The following EFCAB5 variants were observed in gnomAD, a reference collection of about 807,000 sequenced individuals.
The protein encoded by EFCAB5 is EF-hand calcium-binding domain-containing protein 5.
EFCAB5 carries 131 observed loss-of-function variants against 167.9 expected under a neutral mutation model. The ratio of observed to expected loss-of-function variants is 0.78; its 90% CI spans 0.68 to 0.90. The LOEUF (loss-of-function observed/expected upper bound fraction) is 0.90. EFCAB5 is among the 40% of genes least tolerant of loss of function. The pLI is 0.00. For synonymous variants in EFCAB5, 574 were observed against 602.8 expected, an observed-to-expected ratio of 0.95 and a Z score of 0.70; for missense variants, 1,663 against 1,745.2, an observed-to-expected ratio of 0.95 and a Z score of 0.84.
chr17:30,107,753 A>G, intron 22 of EFCAB5, 81 bp from the exon 23 acceptor site: 1 of 1,207,658 alleles, frequency 8.3e-7, no homozygotes, highest in Non-Finnish European at 1.1e-6. Context: ...ATGAACTTTA[A>G]TCATAATATT....
At chr17:30,034,841 T>C (rs2069575118) in intron 8 of EFCAB5, among the ~76,000 whole-genome samples, 2 of 152,188 alleles carry the variant, frequency 1.3e-5, no homozygotes, top group African/African-American at 4.8e-5. Flanking sequence ...AACACACTAT[T>C]AACAATGTTT....
intron 22 of EFCAB5, among the ~76,000 whole-genome samples, chr17:30,100,981 C>G (rs141769684): frequency 2.0e-5 from 3 of 152,152 alleles, no homozygotes; most frequent in Non-Finnish European, 4.4e-5. Flanking sequence ...GTGTCAGCAG[C>G]AGGGTCAGAG....
chr17:30,090,608 G>A lies in EFCAB5; in HGVS notation c.3871G>A (p.Val1291Ile), dbSNP rs2071177176. The change falls in exon 20 of 23, where the codon GTC becomes ATC. Residue 1291 changes from valine (V) to isoleucine (I), a missense_variant. Transcript: ENST00000394835. Reference sequence around the variant, plus strand: ...AGATCTACAGAAAATGATGAAAGTGGTCCAAGTGGCCTGCTATGAAATACT... The same window carrying A: ...AGATCTACAGAAAATGATGAAAGTGATCCAAGTGGCCTGCTATGAAATACT... ...YKDLQKMMKVVQVACYEILGE... is the reference protein window; with the variant it reads ...YKDLQKMMKVIQVACYEILGE... 6.2e-7 allele frequency: 1 copy of A among 1,613,900 alleles called. No individual in the cohort carries two copies. The highest frequency in any genetic ancestry group is 1.3e-5 in the African/African-American group (1 of 75,030).
rs2070155895 is a variant in EFCAB5, at chr17:30,053,376, A to C, written c.1422A>C (p.Ala474=). ...VLLEMNTLLS[A]NHASKTQSKL... Reference sequence around the variant, plus strand: ...TGGAGATGAATACATTACTTTCTGCAAATCATGCTAGCAAAACCCAAAGTA... The same window carrying C: ...TGGAGATGAATACATTACTTTCTGCCAATCATGCTAGCAAAACCCAAAGTA... Residue 474 remains alanine, a synonymous_variant, in exon 10 of 23, where the codon GCA becomes GCC. Transcript: ENST00000394835. 1 of 1,613,924 alleles carries C rather than the reference A, an allele frequency of 6.2e-7. No homozygotes were observed. The highest frequency in any genetic ancestry group is 1.3e-5 in the African/African-American group (1 of 74,944).
At chr17:30,068,601 C>G (rs1430839013) in intron 14 of EFCAB5, 2 of 1,375,932 alleles carry the variant, frequency 1.5e-6, no homozygotes, top group Non-Finnish European at 1.9e-6. Context: ...TGGGCAGGTC[C>G]CTTGTGGGGC....
chr17:30,093,055 A>C, intron 22 of EFCAB5, 119 bp downstream of exon 22: 1 of 629,332 alleles, frequency 1.6e-6, no homozygotes, highest in Non-Finnish European at 2.6e-6. Flanking sequence ...AAATAGTTAT[A>C]AGTCTTCTAA....
chr17:30,096,666 TA>T (rs1567776792), intron 22 of EFCAB5, among the ~76,000 whole-genome samples: 64 of 60,800 alleles, frequency 1.1e-3, no homozygotes, highest in African/African-American at 4.9e-3. Context: ...TATATATATA[TA>T]TATATATATA....
At chr17:30,036,581 C>A (rs1336453965) in intron 8 of EFCAB5, among the ~76,000 whole-genome samples, 2 of 151,518 alleles carry the variant, frequency 1.3e-5, no homozygotes, top group Admixed American at 6.6e-5. Flanking sequence ...AGGCATGTAC[C>A]ACCATGCCTG....
intron 7 of EFCAB5, among the ~76,000 whole-genome samples, chr17:30,014,832 C>T (rs1246567020): frequency 6.6e-6 from 1 of 152,116 alleles, no homozygotes; most frequent in Non-Finnish European, 1.5e-5. Flanking sequence ...TGAATTTGAT[C>T]CTGTCATTAT....
rs962355006 is a variant in EFCAB5 at position 29,976,308 on chromosome 17, C to G, written c.767+6941C>G. Among the ~76,000 whole-genome samples the G allele has an allele frequency of 3.9e-5, 6 of 152,062 alleles. No homozygotes were observed. The East Asian group carries it at 1.2e-3, about 29-fold the overall frequency. On this transcript the variant is annotated intron_variant, in intron 4 of 22. Transcript: ENST00000394835. ...ATTTCTTGAACTGGGAGTTTGACTT[C>G]TTAGGGTCATTTGAGGCTTGGTAAA... is the stretch of plus-strand genomic sequence containing the variant.
intron 14 of EFCAB5, chr17:30,069,128 C>G: frequency 6.5e-7 from 1 of 1,534,234 alleles, no homozygotes; most frequent in Non-Finnish European, 9.0e-7. Context: ...AAAAGAATAT[C>G]TAAGCTGGAA....
chr17:29,999,840 T>C lies in EFCAB5; in HGVS notation c.974-66T>C, dbSNP rs1033541244. ...AATTTTATGTTCTTTTAAAGCACTA[T>C]AGTATAAATATCAAATATATATTAC... On this transcript the variant is annotated intron_variant, in intron 6 of 22. Transcript: ENST00000394835. 8 of 1,148,912 alleles carry C rather than the reference T, an allele frequency of 7.0e-6. No individual in the cohort carries two copies. The African/African-American group carries it at 9.3e-5, about 13-fold the overall frequency. The allele number at this position is 1,148,912 out of a possible 1,614,324, so 71.2% of individuals were successfully genotyped here.
At chr17:29,948,106 T>C (rs2067440740) in intron 3 of EFCAB5, among the ~76,000 whole-genome samples, 1 of 152,242 alleles carries the variant, frequency 6.6e-6, no homozygotes. Flanking sequence ...GATTACAGGC[T>C]TGAGCCACCG....
intron 7 of EFCAB5, among the ~76,000 whole-genome samples, chr17:30,012,313 C>G: frequency 6.6e-6 from 1 of 152,188 alleles, no homozygotes; most frequent in Non-Finnish European, 1.5e-5. Context: ...TGTCTGGAGG[C>G]CTAACTGTCT....
intron 1 of EFCAB5, among the ~76,000 whole-genome samples, chr17:29,934,532 A>T (rs1302310013): frequency 6.6e-6 from 1 of 152,218 alleles, no homozygotes. Context: ...ATATAAAAAG[A>T]GAGATCATAA....
chr17:30,085,458 C>T lies in EFCAB5; in HGVS notation c.3580-1605C>T, dbSNP rs377370685. ...TGAGTATGTCAGTTTACATGGCTCACGCCTGTAATCCCAGCACTTTGGGAG... is the reference window on the plus strand; with the variant it reads ...TGAGTATGTCAGTTTACATGGCTCATGCCTGTAATCCCAGCACTTTGGGAG... On this transcript the variant is annotated intron_variant, in intron 18 of 22. Transcript: ENST00000394835. 3.0e-4 allele frequency among the ~76,000 whole-genome samples: 46 copies of T among 152,324 alleles called. No individual in the cohort carries two copies. In the South Asian group the frequency reaches 7.7e-3, roughly 25 times the overall value.
At chr17:30,001,235 T>C (rs1391562753) in intron 7 of EFCAB5, among the ~76,000 whole-genome samples, 1 of 152,170 alleles carries the variant, frequency 6.6e-6, no homozygotes, top group Non-Finnish European at 1.5e-5. Context: ...CTCCATGTCA[T>C]CACTCAGTCA....
rs914593916 is a variant in EFCAB5, at chr17:30,093,067, A to C, written c.4321+131A>C. On this transcript the variant is annotated intron_variant, in intron 22 of 22. Transcript: ENST00000394835. ...AGAAAATAGTTATAAGTCTTCTAAG[A>C]GGAGGGACACTATGTAATCTATTGC... is the stretch of plus-strand genomic sequence containing the variant. 13 of 571,056 alleles carry C rather than the reference A, an allele frequency of 2.3e-5. No individual in the cohort carries two copies. The Admixed American group carries it at 2.6e-4, about 11-fold the overall frequency. The allele number at this position is 571,056 out of a possible 1,614,324, so 35.4% of individuals were successfully genotyped here. A position where few individuals can be genotyped will look rare whatever the true frequency, so the allele number is the denominator to read the frequency against.
chr17:30,065,066 G>A (rs903780651), intron 14 of EFCAB5, among the ~76,000 whole-genome samples: 2 of 152,184 alleles, frequency 1.3e-5, no homozygotes, highest in Non-Finnish European at 2.9e-5. Flanking sequence ...AAATGCTCAA[G>A]GGAGCCCTAT....
Sources: allele counts gnomAD v4.1 joint callset (sites outside exome capture counted in the v4.1 genomes callset), GRCh38; gene constraint gnomAD v4.1.1; transcripts MANE v1.5; gene names NCBI Gene and HGNC (gene_info 2026-07-23, HGNC 2026-07-21).